The following KIAA1217 variants were observed in gnomAD, a reference collection of about 807,000 sequenced individuals.
KIAA1217 encodes KIAA1217.
KIAA1217 carries 88 observed loss-of-function variants against 163.9 expected under a neutral mutation model. The observed-to-expected ratio is 0.54, with a 90% CI of 0.45 to 0.64. KIAA1217 has a LOEUF of 0.64. Ranked by LOEUF, KIAA1217 falls within the 30% of genes least tolerant of loss-of-function variation. The pLI is 0.00. For synonymous variants in KIAA1217, 903 were observed against 923.1 expected (o/e 0.98, Z 0.39); for missense variants, 2,372 against 2,475.0 (o/e 0.96, Z 0.88).
rs75201228 is a variant in KIAA1217 at position 23,891,610 on chromosome 10, C to T, written c.-320-115615C>T. On this transcript the variant is annotated intron_variant, in intron 1 of 18. Transcript: ENST00000376462. ...AGAATTCTAAGGTAATCATGGGCTT[C>T]GCCTCATGAGTCTCTCTACTCTCAA... is the stretch of plus-strand genomic sequence containing the variant. 2.0e-3 allele frequency among the ~76,000 whole-genome samples: 305 copies of T among 152,036 alleles called. 1 individual carries two copies. Among genetic ancestry groups the T allele is most frequent in the African/African-American group, 6.9e-3 (287 of 41,530 alleles).
chr10:24,365,715 T>C (rs1039789045), intron 2 of KIAA1217, among the ~76,000 whole-genome samples: 1 of 152,210 alleles, frequency 6.6e-6, no homozygotes, highest in African/African-American at 2.4e-5. Context: ...TTTATTTATT[T>C]TTTTAACCCC....
intron 2 of KIAA1217, among the ~76,000 whole-genome samples, chr10:24,125,322 CTGTGTGTGTGTG>C (rs58143239): frequency 7.4e-4 from 106 of 143,812 alleles, no homozygotes; most frequent in East Asian, 1.4e-3. Flanking sequence ...ATCCTATGCT[CTGTGTGTGTGTG>C]TGTGTGTGTG....
chr10:24,436,309 G>A (rs947676311), intron 4 of KIAA1217, among the ~76,000 whole-genome samples: 1 of 152,160 alleles, frequency 6.6e-6, no homozygotes, highest in Admixed American at 6.5e-5. Context: ...TGTAGACAAT[G>A]TTTTATTTGG....
intron 2 of KIAA1217, among the ~76,000 whole-genome samples, chr10:24,181,915 C>G (rs6482371): frequency 0.73 from 110,644 of 152,052 alleles, 40,526 homozygotes; most frequent in Middle Eastern, 0.8. Context: ...TACCTACAGA[C>G]CATTCAGGTG....
intron 1 of KIAA1217, among the ~76,000 whole-genome samples, chr10:23,892,717 A>G (rs1053618427): frequency 6.6e-6 from 1 of 152,088 alleles, no homozygotes; most frequent in Middle Eastern, 3.4e-3. Flanking sequence ...TTTATTCAAG[A>G]TTCACAAATT....
chr10:24,063,625 T>C (rs2060820080), intron 2 of KIAA1217, among the ~76,000 whole-genome samples: 1 of 152,250 alleles, frequency 6.6e-6, no homozygotes, highest in South Asian at 2.1e-4. Context: ...CAATGTGGGC[T>C]CTTTTTTGGT....
intron 3 of KIAA1217, among the ~76,000 whole-genome samples, chr10:24,401,532 T>C (rs557147638): frequency 2.0e-5 from 3 of 152,108 alleles, no homozygotes; most frequent in African/African-American, 7.2e-5. Context: ...TTTGATAAAA[T>C]CTAACAACAA....
In KIAA1217 at chr10:24,068,330, G is replaced by T. The variant is rs555048388; in HGVS notation, c.-171+60956G>T. ...TCTTCAGCTCCAAGATTTCTGTTTG[G>T]TTTTTTCCTTAATTTTTTATATCTT... On this transcript the variant is annotated intron_variant, in intron 2 of 18. Transcript: ENST00000376462. Among the ~76,000 whole-genome samples, 180 of 152,166 alleles carry T rather than the reference G, an allele frequency of 1.2e-3. 1 individual carries two copies. The highest frequency in any genetic ancestry group is 3.1e-3 in the South Asian group (15 of 4,820).
At chr10:24,276,095 T>C (rs757919871) in intron 2 of KIAA1217, among the ~76,000 whole-genome samples, 4 of 152,126 alleles carry the variant, frequency 2.6e-5, no homozygotes, top group South Asian at 2.1e-4. Flanking sequence ...GACTGTCAGT[T>C]TTGTCGTTAT....
At chr10:24,291,013 T>A (rs905893733) in intron 2 of KIAA1217, among the ~76,000 whole-genome samples, 7 of 152,168 alleles carry the variant, frequency 4.6e-5, no homozygotes, top group Non-Finnish European at 1.0e-4. Flanking sequence ...TCCTCCATCA[T>A]CTATATTTGA....
At chr10:23,821,998 T>A (rs1301944166) in intron 1 of KIAA1217, among the ~76,000 whole-genome samples, 1 of 152,190 alleles carries the variant, frequency 6.6e-6, no homozygotes, top group Non-Finnish European at 1.5e-5. Context: ...GTGTTCAGGC[T>A]ACAGCTACTC....
At chr10:23,831,842 C>T (rs1427458296) in intron 1 of KIAA1217, among the ~76,000 whole-genome samples, 1 of 152,120 alleles carries the variant, frequency 6.6e-6, no homozygotes, top group East Asian at 1.9e-4. Context: ...CATACTTGTA[C>T]TATTTCTTCC....
At chr10:23,994,666 G>A (rs1846385340) in intron 1 of KIAA1217, among the ~76,000 whole-genome samples, 1 of 152,220 alleles carries the variant, frequency 6.6e-6, no homozygotes, top group Non-Finnish European at 1.5e-5. Context: ...CCAGGGGGCA[G>A]TAGGAAGCTG....
At chr10:23,959,635 C>G (rs1844731593) in intron 1 of KIAA1217, among the ~76,000 whole-genome samples, 1 of 152,080 alleles carries the variant, frequency 6.6e-6, no homozygotes, top group Admixed American at 6.5e-5. Flanking sequence ...CCCAAAGAAA[C>G]AGGGAAACTT....
intron 3 of KIAA1217, among the ~76,000 whole-genome samples, chr10:24,428,928 A>G (rs2059378407): frequency 6.6e-6 from 1 of 152,192 alleles, no homozygotes. Flanking sequence ...ATCATAAGCA[A>G]TATCACTAAT....
intron 2 of KIAA1217, among the ~76,000 whole-genome samples, chr10:24,280,006 A>C (rs1435257864): frequency 1.3e-5 from 2 of 152,188 alleles, no homozygotes; most frequent in Middle Eastern, 6.3e-3. Context: ...TCTGAAATAA[A>C]ATGAACATAT....
chr10:23,934,388 G>A (rs891661897), intron 1 of KIAA1217, among the ~76,000 whole-genome samples: 4 of 150,866 alleles, frequency 2.7e-5, no homozygotes, highest in Non-Finnish European at 4.4e-5. Flanking sequence ...TGGGGGGTGA[G>A]GGGTGAGGGG....
At chr10:24,388,680 C>A (rs1051329463) in intron 3 of KIAA1217, among the ~76,000 whole-genome samples, 2 of 151,740 alleles carry the variant, frequency 1.3e-5, no homozygotes, top group Non-Finnish European at 2.9e-5. Flanking sequence ...GGCTAATATC[C>A]AGAATCTACA....
intron 2 of KIAA1217, among the ~76,000 whole-genome samples, chr10:24,314,903 C>T (rs373632517): frequency 1.6e-4 from 25 of 152,088 alleles, no homozygotes; most frequent in African/African-American, 4.6e-4. Flanking sequence ...GAGATAGCGC[C>T]GCTGCACTCC....
Sources: allele counts gnomAD v4.1 joint callset (sites outside exome capture counted in the v4.1 genomes callset), GRCh38; gene constraint gnomAD v4.1.1; transcripts MANE v1.5; gene names NCBI Gene and HGNC (gene_info 2026-07-23, HGNC 2026-07-21).